CEACAM20: variants seen among roughly 807,000 people sequenced by gnomAD.
The protein encoded by CEACAM20 is CEA cell adhesion molecule 20.
In CEACAM20, 50 loss-of-function variants were observed where a neutral mutation model predicts 61.2. That is an observed-to-expected ratio of 0.82 (90% confidence interval 0.65 to 1.03). CEACAM20 has a LOEUF of 1.03. Ranked by LOEUF, CEACAM20 falls within the 50% of genes least tolerant of loss-of-function variation. The pLI, the probability that CEACAM20 is intolerant of heterozygous loss-of-function variation, is 0.00. For synonymous variants in CEACAM20, 282 were observed against 287.7 expected (o/e 0.98, Z 0.20); for missense variants, 683 against 736.4 (o/e 0.93, Z 0.84).
intron 3 of CEACAM20, 61 bp from the exon 4 acceptor site, chr19:44,522,973 G>A: frequency 7.4e-7 from 1 of 1,359,090 alleles, no homozygotes; most frequent in South Asian, 1.3e-5. Flanking sequence ...CTCTTATGGA[G>A]GTCTTTAACG....
intron 1 of CEACAM20, among the ~76,000 whole-genome samples, chr19:44,527,828 A>G (rs561513473): frequency 1.3e-5 from 2 of 152,306 alleles, no homozygotes; most frequent in East Asian, 1.9e-4. Context: ...CTGTTGCAAA[A>G]TCATGTCTTC....
At chr19:44,514,582 G>A (rs1467086266) in intron 6 of CEACAM20, among the ~76,000 whole-genome samples, 6 of 151,794 alleles carry the variant, frequency 4.0e-5, no homozygotes, top group Admixed American at 3.9e-4. Flanking sequence ...CCAAGTAGCT[G>A]GAATTACAGG....
chr19:44,514,666 C>G (rs770144199), intron 6 of CEACAM20, among the ~76,000 whole-genome samples: 2 of 151,858 alleles, frequency 1.3e-5, no homozygotes, highest in Non-Finnish European at 2.9e-5. Context: ...GCCATGTTGG[C>G]CAGGCTGGTC....
At chr19:44,513,443 C>CTTTTT (rs398034749) in intron 6 of CEACAM20, among the ~76,000 whole-genome samples, 154 bp from the exon 7 acceptor site, 6 of 117,106 alleles carry the variant, frequency 5.1e-5, no homozygotes, top group South Asian at 5.8e-4. Context: ...TTTGGTTTTG[C>CTTTTT]TTTTTTTTTT....
In CEACAM20 at chr19:44,522,860, C is replaced by A. The variant is rs1483903174; in HGVS notation, c.525G>T (p.Glu175Asp). 4 of 1,609,740 alleles carry A rather than the reference C, an allele frequency of 2.5e-6. No homozygotes were observed. The highest frequency in any genetic ancestry group is 3.4e-6 in the Non-Finnish European group (4 of 1,178,320). Reference protein sequence around the residue: ...IKLESGVASGEVVEVMEGSSM... With the variant: ...IKLESGVASGDVVEVMEGSSM... ...TGGAGCCCTCCATCACCTCAACCAC[C>A]TCCCCACTGGCAACACCAGACTCCA... is the stretch of plus-strand genomic sequence containing the variant. The change falls in exon 4 of 12, where the codon GAG (glutamate) becomes GAT (aspartate). Residue 175 changes from glutamate (E) to aspartate (D), a missense_variant. Coordinates refer to ENST00000614924, the MANE Select transcript of CEACAM20 (RefSeq NM_001102597.3).
chr19:44,520,239 G>A (rs1166948369), intron 5 of CEACAM20, among the ~76,000 whole-genome samples: 1 of 152,162 alleles, frequency 6.6e-6, no homozygotes, highest in Admixed American at 6.5e-5. Context: ...CCCTGTGAAA[G>A]CCTAAATCTG....
rs780166258 is a variant in CEACAM20 at position 44,513,156 on chromosome 19, T to G, written c.1427+16A>C. Reference sequence around the variant, plus strand: ...ACATCCCCATCCCCATCCCCCTCCCTGTATCCCTGTGTTACCGTCTGGCAT... The same window carrying G: ...ACATCCCCATCCCCATCCCCCTCCCGGTATCCCTGTGTTACCGTCTGGCAT... On this transcript the variant is annotated intron_variant, in intron 7 of 11. Transcript: ENST00000614924. 1.9e-6 allele frequency: 3 copies of G among 1,577,018 alleles called. No homozygotes were observed. Among genetic ancestry groups the G allele is most frequent in the African/African-American group, 2.7e-5 (2 of 74,208 alleles).
chr19:44,526,683 G>C (rs952497303), intron 1 of CEACAM20, among the ~76,000 whole-genome samples: 1 of 151,918 alleles, frequency 6.6e-6, no homozygotes, highest in Admixed American at 6.6e-5. Context: ...TCGAGACCTG[G>C]TCAACATGGT....
intron 5 of CEACAM20, among the ~76,000 whole-genome samples, chr19:44,518,276 G>T (rs1478452770): frequency 6.6e-6 from 1 of 151,878 alleles, no homozygotes; most frequent in Non-Finnish European, 1.5e-5. Flanking sequence ...GGGAAATTGT[G>T]GCTGCGTCCT....
intron 7 of CEACAM20, 51 bp from the exon 8 acceptor site, chr19:44,513,004 C>T: frequency 6.7e-7 from 1 of 1,494,540 alleles, no homozygotes; most frequent in Non-Finnish European, 9.2e-7. Context: ...TTGCCCATCT[C>T]CACAGGTTCT....
chr19:44,508,787 C>G (rs796894798), intron 11 of CEACAM20, among the ~76,000 whole-genome samples: 12 of 152,292 alleles, frequency 7.9e-5, no homozygotes, highest in African/African-American at 2.9e-4. Flanking sequence ...TGGCAGATAT[C>G]ACGTAGGCCC....
intron 4 of CEACAM20, among the ~76,000 whole-genome samples, chr19:44,521,030 TG>T (rs569503082): frequency 1.6e-3 from 250 of 152,226 alleles, no homozygotes; most frequent in Admixed American, 3.0e-3. Context: ...TTGTGTGTGT[TG>T]GGTGTATGTG....
chr19:44,516,474 G>A (rs757933407), intron 6 of CEACAM20, among the ~76,000 whole-genome samples: 10 of 152,120 alleles, frequency 6.6e-5, no homozygotes, highest in Non-Finnish European at 1.0e-4. Flanking sequence ...TAAGTCTCAC[G>A]AGATCTGATG....
Position 44,525,178 on chromosome 19 carries a change from TC to T in CEACAM20, c.118del (p.Asp40MetfsTer41). 1 of 1,610,182 alleles carries T rather than the reference TC, an allele frequency of 6.2e-7. No homozygotes were observed. Among genetic ancestry groups the T allele is most frequent in the Non-Finnish European group, 8.5e-7 (1 of 1,178,366 alleles). On this transcript the variant is annotated frameshift_variant, in exon 2 of 12. Coordinates refer to ENST00000614924, the MANE Select transcript of CEACAM20 (RefSeq NM_001102597.3). LOFTEE classifies it high-confidence loss of function. ...AACAACATCCTCACTTTGGGTGGCA[TC>T]AAGTGGGTTGGCATTGAGGGTGAGC... is the stretch of plus-strand genomic sequence containing the variant. ...AQLTLNANPL[D>X]ATQSEDVVLP...
chr19:44,511,948 C>A (rs1971012646), intron 9 of CEACAM20, 69 bp downstream of exon 9: 1 of 1,424,302 alleles, frequency 7.0e-7, no homozygotes, highest in African/African-American at 1.4e-5. Context: ...CCAGCCCCCA[C>A]CCTAAGAAGT....
At chr19:44,523,955 G>T in intron 3 of CEACAM20, 31 bp downstream of exon 3, 1 of 1,531,828 alleles carries the variant, frequency 6.5e-7, no homozygotes, top group Non-Finnish European at 8.8e-7. Flanking sequence ...GAGTGTCAGT[G>T]AGGGGTTGGA....
chr19:44,515,770 C>A (rs73042406), intron 6 of CEACAM20, among the ~76,000 whole-genome samples: 2,431 of 152,058 alleles, frequency 0.016, 29 homozygotes, highest in Admixed American at 0.026. Flanking sequence ...TTGAGACCAG[C>A]CTATGCAACA....
rs767871619 is a variant in CEACAM20 at position 44,522,932 on chromosome 19, T to C, written c.473-20A>G. ...GACCATCTGAGAGGACAGGAACAATTACAGCAGTAACAACAGCATCAGCAA... is the reference window on the plus strand; with the variant it reads ...GACCATCTGAGAGGACAGGAACAATCACAGCAGTAACAACAGCATCAGCAA... On this transcript the variant is annotated intron_variant, in intron 3 of 11. Transcript: ENST00000614924. The C allele has an allele frequency of 6.3e-7, 1 of 1,586,090 alleles. No homozygotes were observed.
At chr19:44,515,865 G>T (rs903827893) in intron 6 of CEACAM20, among the ~76,000 whole-genome samples, 1 of 152,116 alleles carries the variant, frequency 6.6e-6, no homozygotes, top group African/African-American at 2.4e-5. Flanking sequence ...AGCTTCTCAG[G>T]ATGCTGAGGT....
Sources: gnomAD v4.1 joint callset for allele counts (sites outside exome capture counted in the v4.1 genomes callset) on GRCh38, gnomAD v4.1.1 for gene constraint, MANE v1.5 for transcripts, NCBI Gene and HGNC (gene_info 2026-07-23, HGNC 2026-07-21) for gene names.